FAAH2: variants seen among roughly 807,000 people sequenced by gnomAD.
FAAH2 encodes fatty acid amide hydrolase 2.
FAAH2 carries 60 observed loss-of-function variants against 36.9 expected under a neutral mutation model. The ratio of observed to expected loss-of-function variants is 1.63; its 90% CI spans 1.32 to 2.02. The LOEUF (loss-of-function observed/expected upper bound fraction) is 2.02, where lower values mean the gene tolerates loss of function less well. Ranked by LOEUF, FAAH2 falls within the 30% of genes most tolerant of loss-of-function variation. FAAH2 has a pLI of 0.00. For synonymous variants in FAAH2, 214 were observed against 143.8 expected (o/e 1.49, Z -3.49); for missense variants, 689 against 397.5 (o/e 1.73, Z -6.23).
At chrX:57,231,017 T>C in the FAAH2 span, among the ~76,000 whole-genome samples, 1 of 99,932 alleles carries the variant, frequency 1.0e-5, no homozygotes, top group Non-Finnish European at 2.0e-5. Flanking sequence ...AGGATAATGA[T>C]ATCTTCCTCC....
At chrX:57,483,537 A>G (rs964813040) in intron 10 of FAAH2, among the ~76,000 whole-genome samples, 1 of 110,923 alleles carries the variant, frequency 9.0e-6, no homozygotes, top group South Asian at 3.8e-4. Flanking sequence ...GTTAAGGTCC[A>G]TTGCTAGAAA....
At chrX:57,396,455 G>A in intron 7 of FAAH2, among the ~76,000 whole-genome samples, 1 of 101,776 alleles carries the variant, frequency 9.8e-6, no homozygotes, top group African/African-American at 3.6e-5. Context: ...TCTCTCTTTT[G>A]GATGAAGGCA....
intron 3 of FAAH2, among the ~76,000 whole-genome samples, chrX:57,311,309 T>C (rs920255163): frequency 1.8e-5 from 2 of 112,378 alleles, no homozygotes; most frequent in South Asian, 3.6e-4. Flanking sequence ...TCAGTGAATA[T>C]ACATGAAAAG....
chrX:57,469,236 T>G (rs188069690), intron 10 of FAAH2, among the ~76,000 whole-genome samples: 1 of 111,682 alleles, frequency 9.0e-6, no homozygotes, highest in Admixed American at 9.5e-5. Context: ...AGGATCAAAT[T>G]CACACATACC....
chrX:57,434,558 C>T (rs1602651458), intron 8 of FAAH2, among the ~76,000 whole-genome samples: 1 of 108,691 alleles, frequency 9.2e-6, no homozygotes, highest in Admixed American at 1.0e-4. Flanking sequence ...GGAAGACTCT[C>T]GAAATATGAA....
chrX:57,353,988 C>T (rs2054097224), intron 5 of FAAH2, among the ~76,000 whole-genome samples: 1 of 110,553 alleles, frequency 9.0e-6, no homozygotes, highest in African/African-American at 3.3e-5. Flanking sequence ...AAATCTTACA[C>T]ATTGTGCCAA....
intron 3 of FAAH2, among the ~76,000 whole-genome samples, chrX:57,320,350 T>C (rs2052983162): frequency 9.0e-6 from 1 of 111,613 alleles, no homozygotes; most frequent in Admixed American, 9.5e-5. Context: ...CATCAAAAAG[T>C]GGGTGAAGGA....
the FAAH2 span, among the ~76,000 whole-genome samples, chrX:57,198,517 A>G: frequency 8.9e-6 from 1 of 112,495 alleles, no homozygotes; most frequent in Non-Finnish European, 1.9e-5. Context: ...GAAAGCATGC[A>G]TGGCTGTCAG....
the FAAH2 span, among the ~76,000 whole-genome samples, chrX:57,191,929 C>A: frequency 1.9e-3 from 213 of 111,448 alleles, no homozygotes; most frequent in South Asian, 0.02. Context: ...CTCTAGTTTT[C>A]TTTTTGCTTA....
chrX:57,151,434 A>T, the FAAH2 span, among the ~76,000 whole-genome samples: 1 of 111,576 alleles, frequency 9.0e-6, no homozygotes, highest in African/African-American at 3.3e-5. Flanking sequence ...ACATAGTCCC[A>T]TATTTCTTGG....
intron 7 of FAAH2, among the ~76,000 whole-genome samples, chrX:57,427,141 A>G (rs1190404629): frequency 9.0e-6 from 1 of 111,050 alleles, no homozygotes; most frequent in African/African-American, 3.3e-5. Context: ...AAACTAGAGG[A>G]AATGGATAAA....
the FAAH2 span, among the ~76,000 whole-genome samples, chrX:57,218,701 A>G: frequency 1.8e-5 from 2 of 111,371 alleles, no homozygotes; most frequent in South Asian, 7.6e-4. Context: ...TATTAGGGTG[A>G]TGCTGGCTTC....
At chrX:57,463,036 A>G (rs1365278209) in intron 10 of FAAH2, among the ~76,000 whole-genome samples, 1 of 112,092 alleles carries the variant, frequency 8.9e-6, no homozygotes, top group Non-Finnish European at 1.9e-5. Context: ...GAGCCAAATC[A>G]TGATTGAACT....
intron 10 of FAAH2, among the ~76,000 whole-genome samples, chrX:57,487,350 T>G (rs1321681368): frequency 1.2e-4 from 13 of 110,954 alleles, no homozygotes; most frequent in African/African-American, 3.9e-4. Context: ...GGAAAGACAC[T>G]GACCAGGGGA....
chrX:57,408,857 G>C (rs1296414363), intron 7 of FAAH2, among the ~76,000 whole-genome samples: 1 of 111,301 alleles, frequency 9.0e-6, no homozygotes, highest in Non-Finnish European at 1.9e-5. Context: ...CTGGTAATGT[G>C]GTGTGTCATG....
chrX:57,181,757 G>A, the FAAH2 span, among the ~76,000 whole-genome samples: 1 of 111,652 alleles, frequency 9.0e-6, no homozygotes, highest in Non-Finnish European at 1.9e-5. Context: ...CCATAAAAAA[G>A]CCTGAATAGC....
chrX:57,352,099 T>TACACAC lies in FAAH2; in HGVS notation c.742+10710_742+10711insCACACA, dbSNP rs769553008. ...ATATATGTGTATATATATGCACATA[T>TACACAC]ATATATATGTGTATATATATGCACA... On this transcript the variant is annotated intron_variant, in intron 5 of 10. Coordinates refer to ENST00000374900, the MANE Select transcript of FAAH2 (RefSeq NM_174912.4). 3.0e-3 allele frequency among the ~76,000 whole-genome samples: 44 copies of TACACAC among 14,743 alleles called. 10 individuals are homozygous for TACACAC. Among genetic ancestry groups the TACACAC allele is most frequent in the East Asian group, 0.021 (18 of 856 alleles). The allele number at this position is 14,743 out of a possible 115,157, so 12.8% of individuals were successfully genotyped here. A position where few individuals can be genotyped will look rare whatever the true frequency, so the allele number is the denominator to read the frequency against.
At chrX:57,156,284 T>C in the FAAH2 span, among the ~76,000 whole-genome samples, 1 of 112,057 alleles carries the variant, frequency 8.9e-6, no homozygotes, top group Admixed American at 9.5e-5. Flanking sequence ...ATACCTTCTA[T>C]GTGTTATCTT....
At chrX:57,251,983 G>A in the FAAH2 span, among the ~76,000 whole-genome samples, 12 of 111,980 alleles carry the variant, frequency 1.1e-4, no homozygotes, top group African/African-American at 1.9e-4. Flanking sequence ...CTGGAGGAGC[G>A]GTACACTCCT....
Sources: allele counts gnomAD v4.1 joint callset (sites outside exome capture counted in the v4.1 genomes callset), GRCh38; gene constraint gnomAD v4.1.1; transcripts MANE v1.5; gene names NCBI Gene and HGNC (gene_info 2026-07-23, HGNC 2026-07-21).